CTNNA3: variants seen among roughly 807,000 people sequenced by gnomAD.
CTNNA3 encodes catenin alpha-3.
A neutral mutation model predicts 95.7 loss-of-function variants in CTNNA3; 76 were observed. That is an observed-to-expected ratio of 0.79 (90% CI 0.66 to 0.96). The LOEUF (loss-of-function observed/expected upper bound fraction) is 0.96, where lower values mean the gene tolerates loss of function less well. Among genes scored for constraint, CTNNA3 ranks in the 40% least tolerant of loss-of-function variants. The pLI is 0.00. For missense variants in CTNNA3, 1,191 were observed against 1,089.8 expected (o/e 1.09, Z -1.31); for synonymous variants, 431 against 374.4 (o/e 1.15, Z -1.74).
intron 14 of CTNNA3, among the ~76,000 whole-genome samples, chr10:66,086,131 G>C (rs531033794): frequency 8.5e-5 from 13 of 152,112 alleles, no homozygotes; most frequent in Non-Finnish European, 1.8e-4. Context: ...AATAGACAAG[G>C]CTTTTCCAAG....
At chr10:66,474,903 G>A (rs1016498460) in intron 11 of CTNNA3, among the ~76,000 whole-genome samples, 1 of 151,832 alleles carries the variant, frequency 6.6e-6, no homozygotes, top group Non-Finnish European at 1.5e-5. Context: ...TAATTAGATT[G>A]TTTTGTTTTG....
intron 5 of CTNNA3, among the ~76,000 whole-genome samples, chr10:67,493,100 T>C (rs1838905301): frequency 6.6e-6 from 1 of 152,190 alleles, no homozygotes; most frequent in Non-Finnish European, 1.5e-5. Context: ...TAAAAATGCC[T>C]GTGCTTTTTA....
intron 7 of CTNNA3, among the ~76,000 whole-genome samples, chr10:66,882,017 T>C (rs985774934): frequency 2.6e-5 from 4 of 152,072 alleles, no homozygotes; most frequent in African/African-American, 9.7e-5. Context: ...GAGTGCCAAA[T>C]ACACATGCTG....
At chr10:67,639,107 G>A (rs1187024782) in intron 2 of CTNNA3, among the ~76,000 whole-genome samples, 1 of 151,988 alleles carries the variant, frequency 6.6e-6, no homozygotes, top group African/African-American at 2.4e-5. Context: ...TTAATAGACT[G>A]CTAGCAAGAC....
intron 7 of CTNNA3, among the ~76,000 whole-genome samples, chr10:67,149,652 G>T (rs1273051687): frequency 6.6e-6 from 1 of 152,120 alleles, no homozygotes; most frequent in East Asian, 1.9e-4. Flanking sequence ...TTGATTTCCT[G>T]ATTTGCATGT....
At position 67,018,873 on chromosome 10, in the gene CTNNA3, T is replaced by C. The variant is rs184139704; in HGVS notation, c.1047+161444A>G. Among the ~76,000 whole-genome samples, 598 of 152,342 alleles carry C rather than the reference T, an allele frequency of 3.9e-3. 8 individuals carry two copies. The highest frequency in any genetic ancestry group is 0.014 in the African/African-American group (562 of 41,584). On this transcript the variant is annotated intron_variant, in intron 7 of 17. Coordinates refer to ENST00000433211, the MANE Select transcript of CTNNA3 (RefSeq NM_013266.4). ...TCAGTGTATAAGAGACGCCAGTCAA[T>C]GTGTTTTGCAGATGAAATGGAAAAC... is the stretch of plus-strand genomic sequence containing the variant.
intron 1 of CTNNA3, among the ~76,000 whole-genome samples, chr10:67,689,936 G>A (rs1224665996): frequency 1.3e-5 from 2 of 152,160 alleles, no homozygotes; most frequent in African/African-American, 2.4e-5. Context: ...TCATCACTTG[G>A]CAATAGGCGA....
chr10:67,752,876 C>T (rs1334922081), intron 1 of CTNNA3, among the ~76,000 whole-genome samples: 11 of 152,040 alleles, frequency 7.2e-5, no homozygotes, highest in Non-Finnish European at 1.2e-4. Context: ...GAATCAATAT[C>T]GTGAAAATGG....
Position 66,634,608 on chromosome 10 carries a change from T to TGC in CTNNA3, c.1282-12825_1282-12824insGC, listed in dbSNP as rs1589047499. ...GTGTGTGTGTGTGTGTGTGTGTGTG[T>TGC]CTGCAGCAGATATAAGGTAATGATT... is the stretch of plus-strand genomic sequence containing the variant. On this transcript the variant is annotated intron_variant, in intron 9 of 17. Coordinates refer to ENST00000433211, the MANE Select transcript of CTNNA3 (RefSeq NM_013266.4). Among the ~76,000 whole-genome samples, 3 of 151,462 alleles carry TGC rather than the reference T, an allele frequency of 2.0e-5. No homozygotes were observed. In the South Asian group the frequency reaches 6.3e-4, roughly 32 times the overall value.
intron 5 of CTNNA3, among the ~76,000 whole-genome samples, chr10:67,339,387 A>C (rs1432508048): frequency 6.6e-6 from 1 of 152,160 alleles, no homozygotes; most frequent in Non-Finnish European, 1.5e-5. Flanking sequence ...CAATTCCCAG[A>C]TCTTGTTCCA....
At chr10:66,009,873 T>C (rs2078971601) in intron 15 of CTNNA3, among the ~76,000 whole-genome samples, 3 of 152,252 alleles carry the variant, frequency 2.0e-5, no homozygotes, top group South Asian at 2.1e-4. Context: ...TGGTCTTACA[T>C]ATCACAGTTC....
Position 66,773,713 on chromosome 10 carries a change from T to C in CTNNA3, c.1128+1731A>G, listed in dbSNP as rs190836564. ...ATAGAAAATTGAAACAATGGAGATGTTAACCTGTGAAACCATACAGAATGT... is the reference window on the plus strand; with the variant it reads ...ATAGAAAATTGAAACAATGGAGATGCTAACCTGTGAAACCATACAGAATGT... On this transcript the variant is annotated intron_variant, in intron 8 of 17. Coordinates refer to ENST00000433211, the MANE Select transcript of CTNNA3 (RefSeq NM_013266.4). Among the ~76,000 whole-genome samples, 266 of 152,316 alleles carry C rather than the reference T, an allele frequency of 1.7e-3. 1 individual carries two copies. Among genetic ancestry groups the C allele is most frequent in the Non-Finnish European group, 1.8e-3 (120 of 68,024 alleles).
At position 67,727,115 on chromosome 10, in the gene CTNNA3, A is replaced by G. The variant is rs1179683522; in HGVS notation, c.-2+36319T>C. The stretch of plus-strand genomic sequence containing the variant: ...ATTATATATAATATATGATACATAT[A>G]TGATATAATTATATAATATATGATA... On this transcript the variant is annotated intron_variant, in intron 1 of 17. Coordinates refer to the CTNNA3 transcript ENST00000684154. Among the ~76,000 whole-genome samples, 6 of 120,276 alleles carry G rather than the reference A, an allele frequency of 5.0e-5. No homozygotes were observed. The South Asian group carries it at 1.2e-3, about 24-fold the overall frequency. The allele number at this position is 120,276 out of a possible 152,430, so 78.9% of individuals were successfully genotyped here.
intron 17 of CTNNA3, among the ~76,000 whole-genome samples, chr10:65,946,332 C>A (rs1354081147): frequency 6.6e-6 from 1 of 152,054 alleles, no homozygotes; most frequent in Non-Finnish European, 1.5e-5. Flanking sequence ...ACATATTCCA[C>A]CCTTCATTCT....
intron 5 of CTNNA3, among the ~76,000 whole-genome samples, chr10:67,254,916 A>G (rs1013809654): frequency 1.3e-5 from 2 of 152,224 alleles, no homozygotes; most frequent in Non-Finnish European, 2.9e-5. Context: ...TTGGTAAATG[A>G]TGCATGACTG....
At chr10:66,461,551 T>C (rs959698506) in intron 11 of CTNNA3, among the ~76,000 whole-genome samples, 1 of 151,776 alleles carries the variant, frequency 6.6e-6, no homozygotes, top group African/African-American at 2.4e-5. Context: ...GGGTAGTGCG[T>C]CAATAAGACT....
rs573730727 is a variant in CTNNA3 at position 65,970,667 on chromosome 10, TATA to T, written c.2266-3924_2266-3922del. Among the ~76,000 whole-genome samples the T allele has an allele frequency of 6.7e-5, 10 of 148,218 alleles. No homozygotes were observed. In the East Asian group the frequency reaches 1.9e-3, roughly 29 times the overall value. ...TATGTACTTTAAAATATATTTAAAATATAATATATATAACATATTAGGTAAAAT... is the reference window on the plus strand; with the variant it reads ...TATGTACTTTAAAATATATTTAAAATATATATATAACATATTAGGTAAAAT... On this transcript the variant is annotated intron_variant, in intron 16 of 17. Transcript: ENST00000433211.
At chr10:67,387,383 T>TCC (rs1844222482) in intron 5 of CTNNA3, among the ~76,000 whole-genome samples, 1 of 152,046 alleles carries the variant, frequency 6.6e-6, no homozygotes, top group Admixed American at 6.6e-5. Flanking sequence ...CGAGAGTATA[T>TCC]CCCGCACCTG....
chr10:67,701,749 T>C (rs1841042062), intron 1 of CTNNA3, among the ~76,000 whole-genome samples: 1 of 152,128 alleles, frequency 6.6e-6, no homozygotes, highest in South Asian at 2.1e-4. Context: ...AACATCATAA[T>C]GACAGGATCA....
Sources: gnomAD v4.1 joint callset for allele counts (sites outside exome capture counted in the v4.1 genomes callset) on GRCh38, gnomAD v4.1.1 for gene constraint, MANE v1.5 for transcripts, NCBI Gene and HGNC (gene_info 2026-07-23, HGNC 2026-07-21) for gene names.